The following NCOR1 variants were observed in gnomAD, a reference collection of about 807,000 sequenced individuals.
NCOR1 encodes nuclear receptor corepressor 1.
Under a neutral mutation model 288.1 loss-of-function variants are expected in NCOR1, and 63 were observed. The ratio of observed to expected loss-of-function variants is 0.22; its 90% CI spans 0.18 to 0.27. The LOEUF is 0.27. Among genes scored for constraint, NCOR1 ranks in the 10% least tolerant of loss-of-function variants. NCOR1 has a pLI of 1.00. For synonymous variants in NCOR1, 1,007 were observed against 1,065.9 expected (o/e 0.94, Z 1.08); for missense variants, 2,397 against 3,019.2 (o/e 0.79, Z 4.83).
intron 3 of NCOR1, among the ~76,000 whole-genome samples, chr17:16,183,236 A>C (rs1877345415): frequency 6.6e-6 from 1 of 150,642 alleles, no homozygotes; most frequent in South Asian, 2.1e-4. Context: ...CAAACAAAAA[A>C]AAAAAAAAAG....
chr17:16,145,770 C>G (rs2077874708), intron 10 of NCOR1, among the ~76,000 whole-genome samples: 1 of 152,080 alleles, frequency 6.6e-6, no homozygotes, highest in South Asian at 2.1e-4. Context: ...GCGCCTCCAC[C>G]TGGCCGCTGC....
intron 31 of NCOR1, 54 bp downstream of exon 31, chr17:16,070,111 T>G (rs2061575737): frequency 6.6e-7 from 1 of 1,518,684 alleles, no homozygotes; most frequent in African/African-American, 1.4e-5. Flanking sequence ...AGGTTTTTTT[T>G]TTTTTTTTTA....
At chr17:16,172,091 A>C in intron 3 of NCOR1, 96 bp from the exon 4 acceptor site, 1 of 1,036,566 alleles carries the variant, frequency 9.6e-7, no homozygotes, top group East Asian at 2.6e-5. Context: ...AACAAATGAA[A>C]AAGTCATGCT....
At chr17:16,152,205 G>T (rs1178965173) in intron 7 of NCOR1, among the ~76,000 whole-genome samples, 1 of 152,108 alleles carries the variant, frequency 6.6e-6, no homozygotes, top group Admixed American at 6.5e-5. Flanking sequence ...TGCACAACGT[G>T]CAGGTTTGTT....
At chr17:16,090,318 C>CA (rs1567942078) in intron 22 of NCOR1, among the ~76,000 whole-genome samples, 1 of 152,244 alleles carries the variant, frequency 6.6e-6, no homozygotes, top group Middle Eastern at 3.4e-3. Flanking sequence ...TACTTCTTCA[C>CA]AAAATCTATC....
chr17:16,118,263 A>C (rs1224782307), intron 17 of NCOR1, among the ~76,000 whole-genome samples: 1 of 152,232 alleles, frequency 6.6e-6, no homozygotes, highest in Non-Finnish European at 1.5e-5. Context: ...AGAAGGGCTA[A>C]ACCTTGTCCT....
chr17:16,065,794 G>A (rs1457988985), intron 32 of NCOR1, 100 bp from the exon 33 acceptor site: 2 of 1,044,486 alleles, frequency 1.9e-6, no homozygotes, highest in East Asian at 2.5e-5. Flanking sequence ...CACATGCTGA[G>A]CTAGTGCACA....
chr17:16,082,216 G>A (rs1353690221), intron 23 of NCOR1, among the ~76,000 whole-genome samples: 1 of 151,520 alleles, frequency 6.6e-6, no homozygotes, highest in African/African-American at 2.4e-5. Context: ...GGGGTGGGGG[G>A]GATCCAAGTT....
At position 16,039,647 on chromosome 17, in the gene NCOR1, A is replaced by C. The variant is rs1014686017; in HGVS notation, c.6741T>G (p.Val2247=). ...NLPAVTTSGS[V]SSRGHSFADP... ...CAGCAAAAGAATGGCCTCTAGAGCTAACTGAGCCTGAAAGAGAATCAAAAA... is the reference window on the plus strand; with the variant it reads ...CAGCAAAAGAATGGCCTCTAGAGCTCACTGAGCCTGAAAGAGAATCAAAAA... The change falls in exon 44 of 46, where the codon GTT becomes GTG. Residue 2247 remains valine (V), a synonymous_variant. Coordinates refer to ENST00000268712, the MANE Select transcript of NCOR1 (RefSeq NM_006311.4). 6.2e-6 allele frequency: 10 copies of C among 1,613,482 alleles called. No homozygotes were observed. In the African/African-American group the frequency reaches 1.1e-4, roughly 17 times the overall value.
chr17:16,190,217 G>GAA (rs959502290), intron 2 of NCOR1, among the ~76,000 whole-genome samples: 6 of 152,134 alleles, frequency 3.9e-5, no homozygotes, highest in African/African-American at 1.4e-4. Context: ...GTGATAGAGT[G>GAA]AAACCTTGTC....
At chr17:16,173,014 T>A (rs994117169) in intron 3 of NCOR1, among the ~76,000 whole-genome samples, 11 of 152,152 alleles carry the variant, frequency 7.2e-5, no homozygotes, top group African/African-American at 2.7e-4. Flanking sequence ...CACTGCAACC[T>A]CCACCTCCCG....
At chr17:16,200,255 A>C (rs1180478934) in intron 1 of NCOR1, among the ~76,000 whole-genome samples, 1 of 152,072 alleles carries the variant, frequency 6.6e-6, no homozygotes, top group African/African-American at 2.4e-5. Flanking sequence ...TGGGAAGCCA[A>C]GGCCGGCGGA....
chr17:16,056,611 C>T (rs987109746), intron 40 of NCOR1, among the ~76,000 whole-genome samples: 3 of 151,780 alleles, frequency 2.0e-5, no homozygotes, highest in South Asian at 4.2e-4. Flanking sequence ...CCACCACGCC[C>T]GGCCTTCTCA....
At chr17:16,034,587 G>A (rs569963441) in intron 45 of NCOR1, among the ~76,000 whole-genome samples, 178 bp downstream of exon 45, 1 of 152,230 alleles carries the variant, frequency 6.6e-6, no homozygotes, top group African/African-American at 2.4e-5. Context: ...CAGCCTGGGT[G>A]ACAGAACAAG....
Position 16,062,625 on chromosome 17 carries a change from G to A in NCOR1, c.5222-355C>T, listed in dbSNP as rs377395159. Among the ~76,000 whole-genome samples, 4 of 152,116 alleles carry A rather than the reference G, an allele frequency of 2.6e-5. No homozygotes were observed. The South Asian group carries it at 6.2e-4, about 24-fold the overall frequency. On this transcript the variant is annotated intron_variant, in intron 35 of 45. Coordinates refer to ENST00000268712, the MANE Select transcript of NCOR1 (RefSeq NM_006311.4). ...CTTTCTGATTTTTCCTCAAACTCTA[G>A]TGTGTATATGATTTCCAAAATCTAA...
chr17:16,172,575 G>A (rs2083326478), intron 3 of NCOR1, among the ~76,000 whole-genome samples: 1 of 152,124 alleles, frequency 6.6e-6, no homozygotes, highest in East Asian at 1.9e-4. Flanking sequence ...AAATCTCCCA[G>A]CTATTGCTAC....
chr17:16,127,711 G>T (rs555667832), intron 14 of NCOR1, among the ~76,000 whole-genome samples: 1 of 133,342 alleles, frequency 7.5e-6, no homozygotes, highest in Non-Finnish European at 1.6e-5. Context: ...ATATATGTGT[G>T]TGTATATATA....
At chr17:16,082,418 G>A (rs996814975) in intron 23 of NCOR1, among the ~76,000 whole-genome samples, 4 of 152,106 alleles carry the variant, frequency 2.6e-5, no homozygotes, top group Non-Finnish European at 5.9e-5. Flanking sequence ...AATAAACCAT[G>A]TCTAAATTAA....
At chr17:16,145,854 AG>A (rs968295872) in intron 10 of NCOR1, among the ~76,000 whole-genome samples, 3 of 149,932 alleles carry the variant, frequency 2.0e-5, no homozygotes, top group African/African-American at 5.1e-5. Flanking sequence ...TCGACTAGAG[AG>A]GGGGGGAAAT....
Sources: allele counts gnomAD v4.1 joint callset (sites outside exome capture counted in the v4.1 genomes callset), GRCh38; gene constraint gnomAD v4.1.1; transcripts MANE v1.5; gene names NCBI Gene and HGNC (gene_info 2026-07-23, HGNC 2026-07-21).